Variants in PCDHGA3 observed in about 807,000 individuals in gnomAD.
PCDHGA3 encodes the protein protocadherin gamma-A3.
In PCDHGA3, 40 loss-of-function variants were observed where a neutral mutation model predicts 58.5. The observed-to-expected ratio is 0.68, with a 90% CI of 0.53 to 0.89. PCDHGA3 has a LOEUF of 0.89. PCDHGA3 is among the 40% of genes least tolerant of loss of function. The probability of loss-of-function intolerance (pLI) is 0.00; values close to 1 mark genes in which losing one functional copy is unlikely to be tolerated. For synonymous variants in PCDHGA3, 530 were observed against 525.7 expected, an observed-to-expected ratio of 1.01 and a Z score of -0.11; for missense variants, 1,223 against 1,195.9, an observed-to-expected ratio of 1.02 and a Z score of -0.33.
chr5:141,399,719 G>C (rs773556952), intron 1 of PCDHGA3: 1 of 1,613,286 alleles, frequency 6.2e-7, no homozygotes, highest in Non-Finnish European at 8.5e-7. Context: ...CTACAGGCCC[G>C]CGACCAGGGC....
rs1004089667 is a variant in PCDHGA3, at chr5:141,497,399, C to G, written c.2483+2534C>G. The stretch of plus-strand genomic sequence containing the variant: ...TGGGGTGAGCACCTTACCCCTGCCT[C>G]AACTCCCATTCCATCAAATGAGAGG... On this transcript the variant is annotated intron_variant, in intron 2 of 3. Coordinates refer to ENST00000253812, the MANE Select transcript of PCDHGA3 (RefSeq NM_018916.4). Among the ~76,000 whole-genome samples the G allele has an allele frequency of 5.9e-5, 9 of 152,146 alleles. 1 individual carries two copies. The highest frequency in any genetic ancestry group is 1.2e-4 in the Non-Finnish European group (8 of 68,034).
At chr5:141,398,009 C>A (rs1589315775) in intron 1 of PCDHGA3, 6 of 1,400,558 alleles carry the variant, frequency 4.3e-6, no homozygotes, top group East Asian at 5.1e-5. Flanking sequence ...GAAAAAGAAT[C>A]GTTTCCTAAA....
intron 1 of PCDHGA3, chr5:141,365,030 G>C (rs1227821908): frequency 1.9e-6 from 3 of 1,613,740 alleles, no homozygotes; most frequent in Non-Finnish European, 2.5e-6. Context: ...TACGGTCCTC[G>C]ACGCAAACGA....
intron 1 of PCDHGA3, among the ~76,000 whole-genome samples, chr5:141,459,789 G>A (rs960868607): frequency 6.6e-6 from 1 of 152,206 alleles, no homozygotes; most frequent in Non-Finnish European, 1.5e-5. Context: ...AGTTTCAACT[G>A]TTTTTCCCTG....
At chr5:141,362,193 A>G (rs747599782) in intron 1 of PCDHGA3, 54 of 1,613,866 alleles carry the variant, frequency 3.3e-5, no homozygotes, top group Middle Eastern at 1.6e-4. Flanking sequence ...ACCCCCAGGC[A>G]AAACTGCAGT....
rs1366118961 is a variant in PCDHGA3 at position 141,375,763 on chromosome 5, C to T, written c.2424+29306C>T. The T allele has an allele frequency of 3.7e-6, 6 of 1,614,124 alleles. No homozygotes were observed. The African/African-American group carries it at 6.7e-5, about 18-fold the overall frequency. On this transcript the variant is annotated intron_variant, in intron 1 of 3. Transcript: ENST00000253812. ...TGCTGGACCAGAATGACAATGCGCC[C>T]GAGATCCTGTACCCCGCCCTCCCCA...
intron 1 of PCDHGA3, chr5:141,418,604 G>C: frequency 6.2e-7 from 1 of 1,614,040 alleles, no homozygotes; most frequent in African/African-American, 1.3e-5. Context: ...CGTGTACAGG[G>C]TTAGCCTTCG....
chr5:141,424,690 TA>T (rs796070231), intron 1 of PCDHGA3: 89 of 152,358 alleles, frequency 5.8e-4, no homozygotes, highest in African/African-American at 1.9e-3. Context: ...TCCTTCTGGC[TA>T]TTTTTTTGTT....
intron 1 of PCDHGA3, chr5:141,409,281 C>A (rs1238898498): frequency 6.2e-7 from 1 of 1,613,874 alleles, no homozygotes; most frequent in Non-Finnish European, 8.5e-7. Flanking sequence ...TTGGAGAATT[C>A]ACCTCCAGGA....
rs1459105534 is a variant in PCDHGA3, at chr5:141,366,603, C to G, written c.2424+20146C>G. 2 of 1,614,226 alleles carry G rather than the reference C, an allele frequency of 1.2e-6. No individual in the cohort carries two copies. Among genetic ancestry groups the G allele is most frequent in the Non-Finnish European group, 1.7e-6 (2 of 1,180,034 alleles). ...CTGCAGACCTATTCCCACGAGGTCT[C>G]CCTCACCGCGGACTCGAGGAAGAGT... On this transcript the variant is annotated intron_variant, in intron 1 of 3. Transcript: ENST00000253812.
rs776079289 is a variant in PCDHGA3 at position 141,423,264 on chromosome 5, CGAGTCTCT to C, written c.2425-71541_2425-71534del. The C allele has an allele frequency of 9.8e-5, 158 of 1,613,986 alleles. 1 individual carries two copies. The African/African-American group carries it at 1.9e-3, about 20-fold the overall frequency. ...AAGTCCTGGCGGACCTCGGCAGCCT[CGAGTCTCT>C]GGCTAACTCTGAAACCTCAGACCTC... On this transcript the variant is annotated intron_variant, in intron 1 of 3. Transcript: ENST00000253812.
At chr5:141,399,002 C>G in intron 1 of PCDHGA3, 6 of 1,613,830 alleles carry the variant, frequency 3.7e-6, no homozygotes, top group Non-Finnish European at 4.2e-6. Context: ...AGTCTGAATT[C>G]AAAGAGCGGA....
chr5:141,364,313 T>C, intron 1 of PCDHGA3: 4 of 1,522,730 alleles, frequency 2.6e-6, no homozygotes, highest in Non-Finnish European at 2.6e-6. Flanking sequence ...TAAGAGAAAA[T>C]TGGGCAGAGA....
chr5:141,473,925 T>C (rs1338065496), intron 1 of PCDHGA3, among the ~76,000 whole-genome samples: 1 of 152,124 alleles, frequency 6.6e-6, no homozygotes, highest in East Asian at 1.9e-4. Context: ...AACTATGAGC[T>C]GGGTGCAGTA....
intron 1 of PCDHGA3, chr5:141,414,732 T>G: frequency 6.2e-7 from 1 of 1,614,186 alleles, no homozygotes; most frequent in Non-Finnish European, 8.5e-7. Context: ...GCGTCCTGTA[T>G]GCACTCAGAT....
intron 1 of PCDHGA3, chr5:141,410,517 C>T: frequency 6.2e-7 from 1 of 1,613,926 alleles, no homozygotes; most frequent in Non-Finnish European, 8.5e-7. Flanking sequence ...TGCAGTGTGC[C>T]CCTACATTCC....
chr5:141,385,411 G>A, intron 1 of PCDHGA3: 1 of 1,474,668 alleles, frequency 6.8e-7, no homozygotes, highest in East Asian at 2.4e-5. Context: ...TTTGAAAATA[G>A]GGATTTAAAA....
In PCDHGA3 at chr5:141,415,715, T is replaced by G. The variant is rs1051923200; in HGVS notation, c.2424+69258T>G. 4 of 1,428,132 alleles carry G rather than the reference T, an allele frequency of 2.8e-6. No individual in the cohort carries two copies. In the African/African-American group the frequency reaches 4.5e-5, roughly 16 times the overall value. The allele number at this position is 1,428,132 out of a possible 1,614,324, so 88.5% of individuals were successfully genotyped here. Reference sequence around the variant, plus strand: ...GAAAGTGTAAATGCTAAAACACTGATGAGTAGAATTTGATGTTTATTAAGG... The same window carrying G: ...GAAAGTGTAAATGCTAAAACACTGAGGAGTAGAATTTGATGTTTATTAAGG... On this transcript the variant is annotated intron_variant, in intron 1 of 3. Transcript: ENST00000253812.
chr5:141,393,938 C>T lies in PCDHGA3; in HGVS notation c.2424+47481C>T, dbSNP rs537803893. The T allele has an allele frequency of 1.5e-5, 25 of 1,613,934 alleles. No homozygotes were observed. In the African/African-American group the frequency reaches 2.4e-4, roughly 15 times the overall value. ...CCTTCTTGAGTGTGCATGACCAAGA[C>T]TCTGGAAAGAATGGTCAAGTTGTCT... On this transcript the variant is annotated intron_variant, in intron 1 of 3. Transcript: ENST00000253812.
Sources: allele counts gnomAD v4.1 joint callset (sites outside exome capture counted in the v4.1 genomes callset), GRCh38; gene constraint gnomAD v4.1.1; transcripts MANE v1.5; gene names NCBI Gene and HGNC (gene_info 2026-07-23, HGNC 2026-07-21).